The following ZNF236 variants were observed in gnomAD, a reference collection of about 807,000 sequenced individuals.
The protein encoded by ZNF236 is zinc finger protein 236.
ZNF236 carries 50 observed loss-of-function variants against 191.2 expected under a neutral mutation model. That is an observed-to-expected ratio of 0.26 (90% CI 0.21 to 0.33). The LOEUF (loss-of-function observed/expected upper bound fraction) is 0.33. Among genes scored for constraint, ZNF236 ranks in the 10% least tolerant of loss-of-function variants. The probability of loss-of-function intolerance (pLI) is 1.00; values close to 1 mark genes in which losing one functional copy is unlikely to be tolerated. For missense variants in ZNF236, 1,754 were observed against 2,374.5 expected (o/e 0.74, Z 5.43); for synonymous variants, 907 against 928.8 (o/e 0.98, Z 0.43).
intron 26 of ZNF236, among the ~76,000 whole-genome samples, chr18:76,944,801 T>C (rs1440898981): frequency 6.6e-6 from 1 of 152,098 alleles, no homozygotes. Context: ...GAATACTTAA[T>C]TAAGGTTTGC....
rs1052868074 is a variant in ZNF236, at chr18:76,915,785, A to G, written c.3200A>G (p.His1067Arg). The change falls in exon 19 of 31, where the codon CAT becomes CGT. Residue 1067 changes from histidine (H) to arginine (R), a missense_variant. By Grantham distance (29) the His-to-Arg change is conservative. Coordinates refer to ENST00000320610, the MANE Select transcript of ZNF236 (RefSeq NM_001306089.2). The part of the protein sequence containing the change: ...FCEEGFRTTV[H>R]CKKHMKRHQT... ...GAGGAGGGTTTCCGAACTACAGTGCATTGTAAAAAGCACATGAAGAGACAC... is the reference window on the plus strand; with the variant it reads ...GAGGAGGGTTTCCGAACTACAGTGCGTTGTAAAAAGCACATGAAGAGACAC... 5 of 1,614,114 alleles carry G rather than the reference A, an allele frequency of 3.1e-6. No individual in the cohort carries two copies. Among genetic ancestry groups the G allele is most frequent in the Admixed American group, 1.7e-5 (1 of 60,008 alleles).
chr18:76,826,708 G>A (rs937735405), intron 1 of ZNF236, among the ~76,000 whole-genome samples: 1 of 150,026 alleles, frequency 6.7e-6, no homozygotes, highest in African/African-American at 2.4e-5. Context: ...GCTGAGGCAT[G>A]AGAATCGCTT....
At chr18:76,941,457 G>A (rs1312575453) in intron 26 of ZNF236, among the ~76,000 whole-genome samples, 1 of 152,174 alleles carries the variant, frequency 6.6e-6, no homozygotes, top group African/African-American at 2.4e-5. Flanking sequence ...GGCTCTGCTG[G>A]CTGAGCTGCC....
intron 25 of ZNF236, among the ~76,000 whole-genome samples, chr18:76,932,962 A>G (rs1167791779): frequency 1.3e-5 from 2 of 152,120 alleles, no homozygotes; most frequent in African/African-American, 4.8e-5. Context: ...TAAGTGCTGT[A>G]CCTATAAATT....
At chr18:76,870,293 C>A (rs532674019) in intron 4 of ZNF236, among the ~76,000 whole-genome samples, 44 of 152,088 alleles carry the variant, frequency 2.9e-4, no homozygotes, top group Non-Finnish European at 4.6e-4. Flanking sequence ...TTTCCCCAAC[C>A]AATTTGATGG....
intron 1 of ZNF236, among the ~76,000 whole-genome samples, chr18:76,845,488 T>TG (rs1975646898): frequency 6.6e-6 from 1 of 152,192 alleles, no homozygotes; most frequent in Non-Finnish European, 1.5e-5. Context: ...ATACCTATTC[T>TG]GACTTGGGAG....
At chr18:76,877,006 G>A (rs1976735833) in intron 6 of ZNF236, among the ~76,000 whole-genome samples, 1 of 152,138 alleles carries the variant, frequency 6.6e-6, no homozygotes, top group Non-Finnish European at 1.5e-5. Context: ...TCTAAATTTG[G>A]TTCTTAGAGA....
intron 27 of ZNF236, among the ~76,000 whole-genome samples, chr18:76,954,669 AC>A (rs1968481987): frequency 6.6e-6 from 1 of 152,214 alleles, no homozygotes; most frequent in Non-Finnish European, 1.5e-5. Context: ...CACACCCGAC[AC>A]AGGTGTCCTA....
chr18:76,910,625 T>A, intron 15 of ZNF236, 35 bp from the exon 16 acceptor site: 1 of 1,591,664 alleles, frequency 6.3e-7, no homozygotes, highest in Non-Finnish European at 8.6e-7. Context: ...AACTTTAATA[T>A]TTTTGTAGAA....
intron 5 of ZNF236, among the ~76,000 whole-genome samples, chr18:76,873,025 C>CATCA (rs2122612314): frequency 6.6e-6 from 1 of 152,106 alleles, no homozygotes; most frequent in South Asian, 2.1e-4. Flanking sequence ...ATTTTTAGAG[C>CATCA]ATCAGTTTTT....
rs1424085290 is a variant in ZNF236 at position 76,913,870 on chromosome 18, C to T, written c.3033C>T (p.Val1011=). ...LCGRGFVSSG[V]LKSHEKTHTG... ...GACGCGGCTTTGTTTCCTCTGGGGT[C>T]CTCAAGTCCCACGAGAAGACACACA... The change falls in exon 18 of 31, where the codon GTC becomes GTT. Residue 1011 remains valine, a synonymous_variant. Transcript: ENST00000320610. 2 of 1,614,186 alleles carry T rather than the reference C, an allele frequency of 1.2e-6. No homozygotes were observed. Among genetic ancestry groups the T allele is most frequent in the South Asian group, 1.1e-5 (1 of 91,076 alleles).
At position 76,937,259 on chromosome 18, in the gene ZNF236, C is replaced by T. The variant is rs1223999673; in HGVS notation, c.4698C>T (p.Asp1566=). The change falls in exon 26 of 31, where the codon GAC becomes GAT. Residue 1566 remains aspartate (D), a synonymous_variant. Coordinates refer to ENST00000320610, the MANE Select transcript of ZNF236 (RefSeq NM_001306089.2). ...TGTCCTCGTCGGGCGTGGGAGGTGACGCTAGTGTCACGCTGACGCTGGCCG... is the reference window on the plus strand; with the variant it reads ...TGTCCTCGTCGGGCGTGGGAGGTGATGCTAGTGTCACGCTGACGCTGGCCG... ...LVMSSSGVGG[D]ASVTLTLADT... 17 of 1,614,040 alleles carry T rather than the reference C, an allele frequency of 1.1e-5. No homozygotes were observed. The highest frequency in any genetic ancestry group is 4.4e-5 in the South Asian group (4 of 91,086).
At chr18:76,884,754 A>T (rs2122659897) in intron 9 of ZNF236, among the ~76,000 whole-genome samples, 1 of 152,262 alleles carries the variant, frequency 6.6e-6, no homozygotes, top group South Asian at 2.1e-4. Context: ...TTATCTCTGC[A>T]AGTGTGCTTT....
chr18:76,862,894 G>A (rs1383968008), intron 3 of ZNF236, among the ~76,000 whole-genome samples: 2 of 152,086 alleles, frequency 1.3e-5, no homozygotes, highest in Admixed American at 1.3e-4. Flanking sequence ...AGGAAAGAGC[G>A]GTATCAATAT....
At chr18:76,837,234 G>A (rs1975361126) in intron 1 of ZNF236, among the ~76,000 whole-genome samples, 1 of 149,858 alleles carries the variant, frequency 6.7e-6, no homozygotes, top group African/African-American at 2.5e-5. Context: ...TGGAATTTGT[G>A]TTTGTTTCCT....
intron 9 of ZNF236, among the ~76,000 whole-genome samples, chr18:76,893,491 C>A (rs1370134319): frequency 6.6e-6 from 1 of 151,978 alleles, no homozygotes; most frequent in African/African-American, 2.4e-5. Context: ...ATTTTTCATT[C>A]TTTTTTTCTA....
intron 26 of ZNF236, among the ~76,000 whole-genome samples, chr18:76,942,492 T>C (rs1446705318): frequency 6.6e-6 from 1 of 151,904 alleles, no homozygotes; most frequent in Non-Finnish European, 1.5e-5. Flanking sequence ...TTCTATTTTA[T>C]AATTTTTTTA....
intron 4 of ZNF236, among the ~76,000 whole-genome samples, chr18:76,869,923 T>C (rs1227059728): frequency 1.3e-5 from 2 of 152,170 alleles, no homozygotes; most frequent in East Asian, 3.8e-4. Context: ...GCCACTGCAC[T>C]CCAGCCTGGG....
rs537269553 is a variant in ZNF236 at position 76,895,460 on chromosome 18, C to T, written c.1690+175C>T. The T allele has an allele frequency of 1.0e-3, 886 of 887,352 alleles. 2 individuals carry two copies. Among genetic ancestry groups the T allele is most frequent in the Middle Eastern group, 1.4e-3 (4 of 2,850 alleles). 55.0% of individuals were successfully genotyped at this position (887,352 alleles called of 1,614,324 possible). ...CACAGTACTGCACGTAAGTGTGGCC[C>T]GCAATGCAGCACCCACACCGGTACT... On this transcript the variant is annotated intron_variant, in intron 10 of 30. Coordinates refer to ENST00000320610, the MANE Select transcript of ZNF236 (RefSeq NM_001306089.2).
Sources: allele counts gnomAD v4.1 joint callset (sites outside exome capture counted in the v4.1 genomes callset), GRCh38; gene constraint gnomAD v4.1.1; transcripts MANE v1.5; gene names NCBI Gene and HGNC (gene_info 2026-07-23, HGNC 2026-07-21).